The following RCOR1 variants were observed in gnomAD, a reference collection of about 807,000 sequenced individuals.
The protein encoded by RCOR1 is REST corepressor 1, also known as REST corepressor.
RCOR1 carries 12 observed loss-of-function variants against 64.0 expected under a neutral mutation model. The ratio of observed to expected loss-of-function variants is 0.19; its 90% CI spans 0.12 to 0.30. RCOR1 has a LOEUF of 0.30. Ranked by LOEUF, RCOR1 falls within the 10% of genes least tolerant of loss-of-function variation. The pLI is 1.00. For synonymous variants in RCOR1, 279 were observed against 227.2 expected (o/e 1.23, Z -2.05); for missense variants, 502 against 621.2 (o/e 0.81, Z 2.04).
intron 4 of RCOR1, among the ~76,000 whole-genome samples, chr14:102,706,848 A>AT (rs1895869057): frequency 6.6e-6 from 1 of 150,948 alleles, no homozygotes; most frequent in African/African-American, 2.4e-5. Context: ...AATAATAATA[A>AT]ATTTTTTAAA....
At chr14:102,653,920 C>CTTTCT (rs1379169756) in intron 2 of RCOR1, among the ~76,000 whole-genome samples, 36 of 98,922 alleles carry the variant, frequency 3.6e-4, no homozygotes, top group African/African-American at 1.3e-3. Flanking sequence ...CAGGTATTTC[C>CTTTCT]TTCTTTCTTT....
intron 2 of RCOR1, among the ~76,000 whole-genome samples, chr14:102,606,107 G>T (rs559947652): frequency 1.3e-5 from 2 of 151,960 alleles, no homozygotes. Flanking sequence ...TGTATTTTTA[G>T]TAGAAATAGG....
chr14:102,720,590 G>A (rs543380283), intron 8 of RCOR1, among the ~76,000 whole-genome samples: 4 of 152,304 alleles, frequency 2.6e-5, no homozygotes, highest in East Asian at 3.9e-4. Context: ...GGCTGCACCC[G>A]CAGTTCTGTT....
At chr14:102,665,311 CT>C (rs35214723) in intron 2 of RCOR1, among the ~76,000 whole-genome samples, 11,293 of 131,944 alleles carry the variant, frequency 0.086, 607 homozygotes, top group African/African-American at 0.16. Flanking sequence ...GGCCTCAACA[CT>C]TTTTTTTTTT....
intron 2 of RCOR1, among the ~76,000 whole-genome samples, chr14:102,680,004 G>A (rs1895270914): frequency 6.6e-6 from 1 of 152,164 alleles, no homozygotes; most frequent in Non-Finnish European, 1.5e-5. Context: ...AGCAGTTTGG[G>A]AAGAATGCCT....
intron 11 of RCOR1, among the ~76,000 whole-genome samples, chr14:102,724,295 T>C (rs1896221280): frequency 6.6e-6 from 1 of 152,124 alleles, no homozygotes; most frequent in Admixed American, 6.6e-5. Context: ...TTCACTCCGC[T>C]AGTCATTTAA....
chr14:102,652,436 T>C (rs1894612335), intron 2 of RCOR1, among the ~76,000 whole-genome samples: 1 of 152,240 alleles, frequency 6.6e-6, no homozygotes, highest in African/African-American at 2.4e-5. Flanking sequence ...CTCTCTCCTC[T>C]AGTCTTCTGG....
At position 102,595,882 on chromosome 14, in the gene RCOR1, A is replaced by T. The variant is rs535009306; in HGVS notation, c.361+2557A>T. 5.5e-4 allele frequency among the ~76,000 whole-genome samples: 83 copies of T among 151,036 alleles called. 2 individuals carry two copies. In the South Asian group the frequency reaches 0.017, roughly 31 times the overall value. On this transcript the variant is annotated intron_variant, in intron 2 of 11. Transcript: ENST00000262241. ...GCATGTGCCACCGCGCCCGGCCCCA[A>T]ATTTCTTTATTTTGTGTTTGTTTTA...
chr14:102,710,817 C>G (rs752020222), intron 6 of RCOR1, 118 bp from the exon 7 acceptor site: 2 of 681,396 alleles, frequency 2.9e-6, no homozygotes, highest in South Asian at 3.6e-5. Flanking sequence ...TATATTAAAT[C>G]AGTTTATTAT....
chr14:102,628,172 C>CT (rs1253933102), intron 2 of RCOR1, among the ~76,000 whole-genome samples: 2 of 152,090 alleles, frequency 1.3e-5, no homozygotes, highest in Non-Finnish European at 2.9e-5. Flanking sequence ...TTTTTGTTCT[C>CT]TTCAGGCTTT....
At chr14:102,669,099 C>T (rs62007927) in intron 2 of RCOR1, among the ~76,000 whole-genome samples, 30,298 of 151,994 alleles carry the variant, frequency 0.2, 3,284 homozygotes, top group East Asian at 0.38. Flanking sequence ...CACCTGAAGT[C>T]GGGAGTTTGA....
chr14:102,690,534 T>C (rs1352703022), intron 3 of RCOR1, among the ~76,000 whole-genome samples: 1 of 152,014 alleles, frequency 6.6e-6, no homozygotes. Context: ...CAGGCTGCAG[T>C]GAGCTGTGAT....
chr14:102,703,992 A>T (rs1895799863), intron 4 of RCOR1, among the ~76,000 whole-genome samples: 1 of 152,180 alleles, frequency 6.6e-6, no homozygotes, highest in Non-Finnish European at 1.5e-5. Context: ...TTTTCATTGT[A>T]ATCAGTTTTG....
intron 2 of RCOR1, among the ~76,000 whole-genome samples, chr14:102,620,243 A>C (rs1185572279): frequency 2.0e-5 from 3 of 151,652 alleles, no homozygotes; most frequent in Non-Finnish European, 4.4e-5. Flanking sequence ...TTATACACAC[A>C]CACACACACC....
At position 102,647,356 on chromosome 14, in the gene RCOR1, C is replaced by T. The variant is rs114271313; in HGVS notation, c.362-34539C>T. Among the ~76,000 whole-genome samples, 1,430 of 152,202 alleles carry T rather than the reference C, an allele frequency of 9.4e-3. 24 individuals carry two copies. The highest frequency in any genetic ancestry group is 0.033 in the African/African-American group (1,351 of 41,520). ...TTTTTGAGATGGAGTCTCGCTCTTT[C>T]GCTGGGCTGGAATGCGGTGGTGTGA... On this transcript the variant is annotated intron_variant, in intron 2 of 11. Transcript: ENST00000262241.
chr14:102,676,720 G>A (rs1412706639), intron 2 of RCOR1, among the ~76,000 whole-genome samples: 4 of 112,052 alleles, frequency 3.6e-5, no homozygotes, highest in Non-Finnish European at 7.5e-5. Flanking sequence ...GCGGCTGGCC[G>A]GGCGGGGGGC....
intron 2 of RCOR1, among the ~76,000 whole-genome samples, chr14:102,666,707 C>T (rs1894921508): frequency 6.6e-6 from 1 of 152,120 alleles, no homozygotes; most frequent in African/African-American, 2.4e-5. Context: ...ATTTGTCTGG[C>T]ATTTTTCTCA....
chr14:102,689,704 A>C (rs1389852292), intron 3 of RCOR1, among the ~76,000 whole-genome samples: 1 of 152,192 alleles, frequency 6.6e-6, no homozygotes, highest in Non-Finnish European at 1.5e-5. Context: ...TCTCTGTGTT[A>C]AAATAGACAA....
intron 2 of RCOR1, chr14:102,657,093 C>T (rs1894742569): frequency 2.0e-6 from 2 of 983,442 alleles, no homozygotes; most frequent in East Asian, 1.1e-4. Flanking sequence ...CTTCTAAAGC[C>T]TAATCTTTTT....
Sources: allele counts gnomAD v4.1 joint callset (sites outside exome capture counted in the v4.1 genomes callset), GRCh38; gene constraint gnomAD v4.1.1; transcripts MANE v1.5; gene names NCBI Gene and HGNC (gene_info 2026-07-23, HGNC 2026-07-21).